The following PLA2G4C variants were observed in gnomAD, a reference collection of about 807,000 sequenced individuals.
The protein encoded by PLA2G4C is cytosolic phospholipase A2 gamma.
In PLA2G4C, 64 loss-of-function variants were observed where a neutral mutation model predicts 73.8. The ratio of observed to expected loss-of-function variants is 0.87; its 90% CI spans 0.71 to 1.07. The LOEUF (loss-of-function observed/expected upper bound fraction) is 1.07, where lower values mean the gene tolerates loss of function less well. PLA2G4C is among the 50% of genes least tolerant of loss of function. The probability of loss-of-function intolerance (pLI) is 0.00; values close to 1 mark genes in which losing one functional copy is unlikely to be tolerated. For synonymous variants in PLA2G4C, 254 were observed against 252.1 expected (o/e 1.01, Z -0.07); for missense variants, 622 against 665.4 (o/e 0.93, Z 0.72).
intron 6 of PLA2G4C, chr19:48,096,622 T>C (rs1393914069): frequency 6.6e-6 from 1 of 152,316 alleles, no homozygotes; most frequent in Non-Finnish European, 1.5e-5. Context: ...CACTGGGGGC[T>C]TCTGAGCCTT....
At chr19:48,094,515 T>C (rs1398103295) in intron 7 of PLA2G4C, among the ~76,000 whole-genome samples, 2 of 152,196 alleles carry the variant, frequency 1.3e-5, no homozygotes, top group Non-Finnish European at 2.9e-5. Context: ...GTTTTATTTG[T>C]GGATCATACC....
intron 4 of PLA2G4C, chr19:48,103,531 G>T: frequency 6.6e-6 from 1 of 152,312 alleles, no homozygotes. Flanking sequence ...TCACACTCGA[G>T]CCTCTGCTGC....
intron 13 of PLA2G4C, among the ~76,000 whole-genome samples, chr19:48,062,729 T>C (rs551446443): frequency 6.6e-6 from 1 of 152,318 alleles, no homozygotes; most frequent in Admixed American, 6.5e-5. Flanking sequence ...AATGGGGTTT[T>C]TGGCGTGAAG....
At chr19:48,062,509 C>T (rs905041287) in intron 13 of PLA2G4C, among the ~76,000 whole-genome samples, 1 of 152,128 alleles carries the variant, frequency 6.6e-6, no homozygotes, top group East Asian at 1.9e-4. Flanking sequence ...ACTTGGGAGG[C>T]TGAGGCAGGA....
chr19:48,070,984 A>G (rs554989338), intron 12 of PLA2G4C, among the ~76,000 whole-genome samples: 3 of 152,228 alleles, frequency 2.0e-5, no homozygotes, highest in Non-Finnish European at 4.4e-5. Context: ...TCACAATCCC[A>G]TGAGCCAATT....
chr19:48,072,739 C>G lies in PLA2G4C; in HGVS notation c.1006+2028G>C, dbSNP rs2029888257. Reference sequence around the variant, plus strand: ...GAGATAAAAACAGGAATTTATGTAACATGAATAAAAGGAGGAGGAAGGGAA... The same window carrying G: ...GAGATAAAAACAGGAATTTATGTAAGATGAATAAAAGGAGGAGGAAGGGAA... On this transcript the variant is annotated intron_variant, in intron 12 of 16. Transcript: ENST00000599921. This position sits in a 1 kb window ranked among gnomAD's most constrained non-coding sequence, Gnocchi z 4.4. The G allele has an allele frequency of 6.6e-6, 1 of 152,176 alleles. No homozygotes were observed. Among genetic ancestry groups the G allele is most frequent in the East Asian group, 1.9e-4 (1 of 5,196 alleles). 9.4% of individuals were successfully genotyped at this position (152,176 alleles called of 1,614,324 possible).
rs773167949 is a variant in PLA2G4C, at chr19:48,074,831, G to A, written c.942C>T (p.Leu314=). The A allele has an allele frequency of 9.9e-6, 16 of 1,612,636 alleles. No homozygotes were observed. Among genetic ancestry groups the A allele is most frequent in the African/African-American group, 5.3e-5 (4 of 74,938 alleles). The change falls in exon 12 of 17, where the codon CTC becomes CTT. Residue 314 remains leucine (L), a synonymous_variant. Transcript: ENST00000599921. ...EPEHTWLTEM[L]ENWTRTSLEK... is the part of the protein sequence containing the mutation. ...CCAGGGAGGTCCTGGTCCAATTCTC[G>A]AGCATCTCAGTCAGCCAGGTGTGTT... is the stretch of plus-strand genomic sequence containing the variant.
intron 14 of PLA2G4C, among the ~76,000 whole-genome samples, chr19:48,057,024 T>A (rs945994982): frequency 6.6e-6 from 1 of 151,906 alleles, no homozygotes. Context: ...CAGAAATAAC[T>A]AATGGGTACT....
intron 4 of PLA2G4C, 26 bp from the exon 5 acceptor site, chr19:48,099,886 T>C (rs2031808540): frequency 6.4e-7 from 1 of 1,552,042 alleles, no homozygotes. Context: ...AGAGAGTGAG[T>C]TGGGCATTTT....
At chr19:48,048,496 G>A (rs762156926) in intron 16 of PLA2G4C, 108 bp from the exon 17 acceptor site, 5 of 630,056 alleles carry the variant, frequency 7.9e-6, no homozygotes, top group Admixed American at 4.0e-5. Context: ...CATGACTTAG[G>A]AGAAAGACAT....
intron 9 of PLA2G4C, among the ~76,000 whole-genome samples, chr19:48,085,674 T>C (rs189130336): frequency 2.0e-5 from 3 of 152,086 alleles, no homozygotes; most frequent in African/African-American, 7.2e-5. Flanking sequence ...AGACAGGAAA[T>C]CTGAAGGAAT....
In PLA2G4C at chr19:48,072,059, T is replaced by C. The variant is rs1220292082; in HGVS notation, c.1006+2708A>G. On this transcript the variant is annotated intron_variant, in intron 12 of 16. Transcript: ENST00000599921. This position sits in a 1 kb window ranked among gnomAD's most constrained non-coding sequence, Gnocchi z 4.4. ...TACTCGGGAGGCTGAGGCAGGAGAA[T>C]CGCTTGAACCCGGGAGGCAGAGGTT... Among the ~76,000 whole-genome samples, 1 of 151,662 alleles carries C rather than the reference T, an allele frequency of 6.6e-6. No homozygotes were observed. The highest frequency in any genetic ancestry group is 2.4e-5 in the African/African-American group (1 of 41,322).
chr19:48,058,483 C>A (rs1426967668), intron 14 of PLA2G4C, among the ~76,000 whole-genome samples: 1 of 152,118 alleles, frequency 6.6e-6, no homozygotes, highest in Admixed American at 6.5e-5. Flanking sequence ...TGCTTCATAC[C>A]TGTATTACAG....
intron 10 of PLA2G4C, among the ~76,000 whole-genome samples, 183 bp from the exon 11 acceptor site, chr19:48,078,007 T>C (rs11564596): frequency 0.02 from 3,095 of 152,246 alleles, 112 homozygotes; most frequent in African/African-American, 0.069. Context: ...TGACCTCATG[T>C]TGGTAGCTTG....
At chr19:48,050,044 C>A (rs1019451948) in intron 16 of PLA2G4C, among the ~76,000 whole-genome samples, 10 of 152,158 alleles carry the variant, frequency 6.6e-5, no homozygotes, top group African/African-American at 2.4e-5. Context: ...GCCTCAGCCT[C>A]CCAAGTAACT....
intron 13 of PLA2G4C, among the ~76,000 whole-genome samples, chr19:48,065,426 G>A (rs1249873383): frequency 1.3e-5 from 2 of 151,714 alleles, no homozygotes; most frequent in Non-Finnish European, 2.9e-5. Flanking sequence ...GACCAGCCTA[G>A]CCAATGTGGT....
chr19:48,093,898 T>C (rs1241328770), intron 7 of PLA2G4C, among the ~76,000 whole-genome samples: 32 of 152,182 alleles, frequency 2.1e-4, no homozygotes, highest in Non-Finnish European at 1.5e-5. Flanking sequence ...AGCTCTTCTT[T>C]GGCTTGCTCT....
chr19:48,048,547 C>T (rs75267659), intron 16 of PLA2G4C, among the ~76,000 whole-genome samples, 159 bp from the exon 17 acceptor site: 1 of 152,206 alleles, frequency 6.6e-6, no homozygotes, highest in East Asian at 1.9e-4. Context: ...TGGAGCTCCA[C>T]CACCTCCTCC....
intron 14 of PLA2G4C, among the ~76,000 whole-genome samples, chr19:48,059,953 T>G (rs1968106924): frequency 6.6e-6 from 1 of 151,924 alleles, no homozygotes; most frequent in Non-Finnish European, 1.5e-5. Context: ...GTATTTTTAG[T>G]AGAGACGGGA....
Sources: gnomAD v4.1 joint callset for allele counts (sites outside exome capture counted in the v4.1 genomes callset) on GRCh38, gnomAD v4.1.1 for gene constraint, Gnocchi (gnomAD v3.1) non-coding constraint, MANE v1.5 for transcripts, NCBI Gene and HGNC (gene_info 2026-07-23, HGNC 2026-07-21) for gene names.